Variants in RNGTT observed in about 807,000 individuals in gnomAD.
RNGTT encodes mRNA-capping enzyme.
Under a neutral mutation model 79.3 loss-of-function variants are expected in RNGTT, and 33 were observed. The observed-to-expected ratio is 0.42, with a 90% CI of 0.32 to 0.56. RNGTT has a LOEUF of 0.56. RNGTT is among the 20% of genes least tolerant of loss of function. RNGTT has a pLI of 0.17. For missense variants in RNGTT, 497 were observed against 739.1 expected (o/e 0.67, Z 3.80); for synonymous variants, 222 against 235.9 (o/e 0.94, Z 0.54).
At chr6:88,924,198 G>A (rs1412408827) in intron 4 of RNGTT, among the ~76,000 whole-genome samples, 2 of 152,226 alleles carry the variant, frequency 1.3e-5, no homozygotes, top group Non-Finnish European at 2.9e-5. Flanking sequence ...CCCAGGTAAT[G>A]CAGGGCAAAG....
chr6:88,847,292 A>G (rs1368377095), intron 10 of RNGTT, among the ~76,000 whole-genome samples: 3 of 152,156 alleles, frequency 2.0e-5, no homozygotes, highest in African/African-American at 7.2e-5. Context: ...TGTCTCATTC[A>G]TCTTTGTATA....
chr6:88,665,826 C>T (rs1774384485), intron 14 of RNGTT, among the ~76,000 whole-genome samples: 1 of 152,210 alleles, frequency 6.6e-6, no homozygotes, highest in Non-Finnish European at 1.5e-5. Flanking sequence ...TGCTGGGACG[C>T]CCCATGGCAG....
chr6:88,861,912 T>C (rs1480190456), intron 8 of RNGTT, among the ~76,000 whole-genome samples: 1 of 152,194 alleles, frequency 6.6e-6, no homozygotes, highest in Non-Finnish European at 1.5e-5. Context: ...TTTCATAGTA[T>C]ATATACATAA....
intron 2 of RNGTT, among the ~76,000 whole-genome samples, chr6:88,940,068 T>C (rs1045569727): frequency 7.5e-6 from 1 of 133,244 alleles, no homozygotes; most frequent in Non-Finnish European, 1.5e-5. Context: ...CAGTTTTTCT[T>C]TTTTTTTTTT....
At chr6:88,728,306 A>G (rs1489514530) in intron 13 of RNGTT, among the ~76,000 whole-genome samples, 1 of 152,224 alleles carries the variant, frequency 6.6e-6, no homozygotes, top group East Asian at 1.9e-4. Flanking sequence ...TCTCTACTTC[A>G]GAAAAGTACC....
At position 88,921,163 on chromosome 6, in the gene RNGTT, A is replaced by G. The variant is rs528995277; in HGVS notation, c.367+7822T>C. Among the ~76,000 whole-genome samples the G allele has an allele frequency of 1.5e-3, 233 of 152,224 alleles. 1 individual carries two copies. Among genetic ancestry groups the G allele is most frequent in the African/African-American group, 5.4e-3 (226 of 41,546 alleles). On this transcript the variant is annotated intron_variant, in intron 4 of 15. Coordinates refer to ENST00000369485, the MANE Select transcript of RNGTT (RefSeq NM_003800.5). The stretch of plus-strand genomic sequence containing the variant: ...ATTTATTTTTAGTTTCAGAGAAGGA[A>G]TTTTTATCAGCCTTGCACAAACTCT...
At chr6:88,709,167 T>A (rs937264881) in intron 13 of RNGTT, among the ~76,000 whole-genome samples, 3 of 152,098 alleles carry the variant, frequency 2.0e-5, no homozygotes, top group African/African-American at 7.2e-5. Context: ...TAGCCAGGCA[T>A]GCTGGCATGC....
chr6:88,642,699 T>C (rs1039047635), intron 14 of RNGTT, among the ~76,000 whole-genome samples: 2 of 152,216 alleles, frequency 1.3e-5, no homozygotes, highest in African/African-American at 4.8e-5. Flanking sequence ...GGGCAAGTTA[T>C]TTAACCTCTC....
At chr6:88,678,289 G>A (rs554357082) in intron 14 of RNGTT, 64 bp downstream of exon 14, 4 of 1,562,928 alleles carry the variant, frequency 2.6e-6, no homozygotes, top group Middle Eastern at 1.7e-4. Flanking sequence ...TTATTAGCAA[G>A]GTTTTGATGG....
intron 14 of RNGTT, among the ~76,000 whole-genome samples, chr6:88,649,823 G>T (rs1459214212): frequency 6.6e-6 from 1 of 152,172 alleles, no homozygotes; most frequent in Admixed American, 6.5e-5. Flanking sequence ...CCAGCCCAGG[G>T]CATTCAGAAG....
intron 13 of RNGTT, among the ~76,000 whole-genome samples, chr6:88,737,565 C>T (rs934349299): frequency 6.6e-6 from 1 of 151,990 alleles, no homozygotes; most frequent in Non-Finnish European, 1.5e-5. Context: ...CGGCCTCTTA[C>T]GAAGTAATTA....
chr6:88,895,213 T>C (rs1435482896), intron 6 of RNGTT, among the ~76,000 whole-genome samples: 1 of 146,846 alleles, frequency 6.8e-6, no homozygotes, highest in Admixed American at 6.9e-5. Context: ...GGAGGCAATT[T>C]ATGTGAGAGA....
chr6:88,731,231 C>T (rs1777104372), intron 13 of RNGTT, among the ~76,000 whole-genome samples: 1 of 152,180 alleles, frequency 6.6e-6, no homozygotes, highest in South Asian at 2.1e-4. Flanking sequence ...ATGGCATCTA[C>T]ATGTGCAGCA....
chr6:88,924,098 C>T (rs1290699203), intron 4 of RNGTT, among the ~76,000 whole-genome samples: 3 of 152,160 alleles, frequency 2.0e-5, no homozygotes, highest in Admixed American at 6.5e-5. Flanking sequence ...TGGCTGGCTT[C>T]GCATGAGGAG....
intron 14 of RNGTT, among the ~76,000 whole-genome samples, chr6:88,642,162 A>G (rs370232142): frequency 1.3e-5 from 2 of 152,202 alleles, no homozygotes; most frequent in East Asian, 3.8e-4. Flanking sequence ...ATAGGATGCA[A>G]GGAACTGCCA....
chr6:88,624,526 A>C (rs1451378670), intron 14 of RNGTT, among the ~76,000 whole-genome samples: 1 of 151,968 alleles, frequency 6.6e-6, no homozygotes, highest in Non-Finnish European at 1.5e-5. Flanking sequence ...TTGGATATTC[A>C]TACATAAAAT....
chr6:88,751,309 C>A (rs1582416087), intron 13 of RNGTT, among the ~76,000 whole-genome samples: 1 of 152,048 alleles, frequency 6.6e-6, no homozygotes, highest in Non-Finnish European at 1.5e-5. Context: ...AATGCTCATG[C>A]AATTTTTAAA....
rs1776305592 is a variant in RNGTT at position 88,711,196 on chromosome 6, A to G, written c.1440-32777T>C. ...ACATCTAGAAATTTGCTTTTCAATA[A>G]TGATCTGTCAACAGTACATACTTAG... On this transcript the variant is annotated intron_variant, in intron 13 of 15. Coordinates refer to ENST00000369485, the MANE Select transcript of RNGTT (RefSeq NM_003800.5). Among the ~76,000 whole-genome samples, 2 of 152,178 alleles carry G rather than the reference A, an allele frequency of 1.3e-5. 1 individual carries two copies. Among genetic ancestry groups the G allele is most frequent in the South Asian group, 4.1e-4 (2 of 4,832 alleles).
intron 6 of RNGTT, among the ~76,000 whole-genome samples, chr6:88,897,594 T>C (rs1783295524): frequency 6.6e-6 from 1 of 152,170 alleles, no homozygotes; most frequent in Non-Finnish European, 1.5e-5. Flanking sequence ...CTTCTGCTCC[T>C]TTTTTTATCA....
Sources: allele counts gnomAD v4.1 joint callset (sites outside exome capture counted in the v4.1 genomes callset), GRCh38; gene constraint gnomAD v4.1.1; transcripts MANE v1.5; gene names NCBI Gene and HGNC (gene_info 2026-07-23, HGNC 2026-07-21).